The following CLCN3 variants were observed in gnomAD, a reference collection of about 807,000 sequenced individuals.
The protein encoded by CLCN3 is Cl-/H+ antiporter 3, also known as H(+)/Cl(-) exchange transporter 3.
A neutral mutation model predicts 83.4 loss-of-function variants in CLCN3; 16 were observed. The ratio of observed to expected loss-of-function variants is 0.19; its 90% CI spans 0.13 to 0.29. The LOEUF is 0.29. Ranked by LOEUF, CLCN3 falls within the 10% of genes least tolerant of loss-of-function variation. The pLI is 1.00. For synonymous variants in CLCN3, 322 were observed against 346.2 expected (o/e 0.93, Z 0.78); for missense variants, 544 against 1,006.0 (o/e 0.54, Z 6.21).
chr4:169,630,655 C>T (rs1201471518), intron 1 of CLCN3, among the ~76,000 whole-genome samples: 3 of 152,040 alleles, frequency 2.0e-5, no homozygotes, highest in African/African-American at 7.2e-5. Flanking sequence ...CTCAGCCTCC[C>T]GAGTAGCTGG....
At chr4:169,637,437 G>A (rs956054649) in intron 2 of CLCN3, among the ~76,000 whole-genome samples, 7 of 152,004 alleles carry the variant, frequency 4.6e-5, no homozygotes, top group South Asian at 2.1e-4. Flanking sequence ...AGGATTGCTC[G>A]AGGCCAGGAG....
At chr4:169,687,048 T>A (rs1315870879) in intron 3 of CLCN3, among the ~76,000 whole-genome samples, 2 of 152,196 alleles carry the variant, frequency 1.3e-5, no homozygotes, top group Non-Finnish European at 2.9e-5. Context: ...ATACATTGTA[T>A]TTATGGACAT....
intron 6 of CLCN3, 60 bp from the exon 7 acceptor site, chr4:169,692,054 A>C: frequency 9.4e-7 from 1 of 1,063,096 alleles, no homozygotes; most frequent in South Asian, 1.4e-5. Context: ...AATAACTTGG[A>C]TTCGTTACAT....
intron 2 of CLCN3, among the ~76,000 whole-genome samples, chr4:169,672,857 G>A (rs890884199): frequency 6.6e-6 from 1 of 151,700 alleles, no homozygotes; most frequent in African/African-American, 2.4e-5. Context: ...TAGAGACAGG[G>A]TTTCACCATC....
At chr4:169,662,735 C>T (rs1380047294) in intron 2 of CLCN3, 1 of 152,030 alleles carries the variant, frequency 6.6e-6, no homozygotes, top group Non-Finnish European at 1.5e-5. Flanking sequence ...GTGAAGCTTC[C>T]TATTTAAGTA....
intron 4 of CLCN3, among the ~76,000 whole-genome samples, chr4:169,688,216 A>T (rs1232007081): frequency 6.6e-6 from 1 of 152,222 alleles, no homozygotes; most frequent in Non-Finnish European, 1.5e-5. Context: ...ACTTAGTTTG[A>T]CTGAGGTCAT....
intron 7 of CLCN3, 48 bp from the exon 8 acceptor site, chr4:169,695,564 T>G: frequency 7.7e-7 from 1 of 1,305,668 alleles, no homozygotes; most frequent in Non-Finnish European, 1.1e-6. Context: ...TTATTTGGTA[T>G]GTTTGAATTT....
chr4:169,640,442 A>G (rs561789389), intron 2 of CLCN3, among the ~76,000 whole-genome samples: 1 of 152,354 alleles, frequency 6.6e-6, no homozygotes. Flanking sequence ...CAATCTGCTC[A>G]GAGTGAGTGC....
intron 2 of CLCN3, among the ~76,000 whole-genome samples, chr4:169,668,048 T>G (rs1287112195): frequency 4.7e-5 from 7 of 149,750 alleles, no homozygotes; most frequent in Non-Finnish European, 7.4e-5. Context: ...CAGACATTTT[T>G]TTTTTTTTTT....
chr4:169,695,411 G>T (rs1732527708), intron 7 of CLCN3, among the ~76,000 whole-genome samples: 1 of 152,102 alleles, frequency 6.6e-6, no homozygotes, highest in African/African-American at 2.4e-5. Context: ...GTAAATGCAT[G>T]ACTGACCTTT....
intron 12 of CLCN3, chr4:169,717,742 T>A (rs748936357): frequency 1.2e-5 from 11 of 917,176 alleles, no homozygotes; most frequent in Admixed American, 2.1e-5. Flanking sequence ...GATTGGAAAC[T>A]CTTTTAATTT....
intron 12 of CLCN3, 53 bp from the exon 13 acceptor site, chr4:169,719,854 C>T (rs559951140): frequency 7.0e-7 from 1 of 1,422,110 alleles, no homozygotes; most frequent in South Asian, 1.3e-5. Flanking sequence ...GATTTAGCTT[C>T]TCCTTTTATT....
intron 11 of CLCN3, among the ~76,000 whole-genome samples, chr4:169,710,019 C>T (rs939321914): frequency 2.6e-5 from 4 of 152,032 alleles, no homozygotes; most frequent in Admixed American, 2.6e-4. Flanking sequence ...ATCCCTGGGA[C>T]TCTAGAGTCC....
chr4:169,679,756 G>C (rs1488589015), intron 2 of CLCN3, among the ~76,000 whole-genome samples: 1 of 152,176 alleles, frequency 6.6e-6, no homozygotes, highest in East Asian at 1.9e-4. Context: ...CAGGCGTGGC[G>C]GCGCGTGCCT....
chr4:169,681,168 C>T (rs372656268), intron 3 of CLCN3, among the ~76,000 whole-genome samples: 27 of 152,314 alleles, frequency 1.8e-4, no homozygotes, highest in East Asian at 7.7e-4. Flanking sequence ...TGTACTCAGC[C>T]TCCTGAGTAG....
At chr4:169,717,065 A>T (rs924828115) in intron 12 of CLCN3, among the ~76,000 whole-genome samples, 7 of 152,178 alleles carry the variant, frequency 4.6e-5, no homozygotes, top group African/African-American at 1.7e-4. Flanking sequence ...TATCCTCATT[A>T]TGAGAATTTA....
intron 3 of CLCN3, among the ~76,000 whole-genome samples, chr4:169,687,326 A>T (rs1478713595): frequency 6.6e-6 from 1 of 152,152 alleles, no homozygotes; most frequent in Non-Finnish European, 1.5e-5. Flanking sequence ...CACACCTGTA[A>T]TCCCAGCACT....
intron 2 of CLCN3, among the ~76,000 whole-genome samples, chr4:169,643,788 G>A (rs1730492402): frequency 6.6e-6 from 1 of 152,082 alleles, no homozygotes; most frequent in Non-Finnish European, 1.5e-5. Context: ...CTCCCATCTC[G>A]GCCTTCCAAA....
intron 2 of CLCN3, among the ~76,000 whole-genome samples, chr4:169,637,124 T>C (rs1730233835): frequency 6.6e-6 from 1 of 152,200 alleles, no homozygotes; most frequent in South Asian, 2.1e-4. Flanking sequence ...GATTTATGAG[T>C]TTAAATGCCT....
Sources: gnomAD v4.1 joint callset for allele counts (sites outside exome capture counted in the v4.1 genomes callset) on GRCh38, gnomAD v4.1.1 for gene constraint, MANE v1.5 for transcripts, NCBI Gene and HGNC (gene_info 2026-07-23, HGNC 2026-07-21) for gene names.